SEC24B: variants seen among roughly 807,000 people sequenced by gnomAD.
The protein encoded by SEC24B is protein transport protein Sec24B.
In SEC24B, 45 loss-of-function variants were observed where a neutral mutation model predicts 142.8. That is an observed-to-expected ratio of 0.32 (90% CI 0.25 to 0.40). The LOEUF (loss-of-function observed/expected upper bound fraction) is 0.40. Among genes scored for constraint, SEC24B ranks in the 10% least tolerant of loss-of-function variants. The pLI, the probability that SEC24B is intolerant of heterozygous loss-of-function variation, is 1.00. For synonymous variants in SEC24B, 574 were observed against 568.2 expected, an observed-to-expected ratio of 1.01 and a Z score of -0.15; for missense variants, 1,409 against 1,526.8, an observed-to-expected ratio of 0.92 and a Z score of 1.29.
At chr4:109,477,789 T>C (rs1173656178) in intron 3 of SEC24B, among the ~76,000 whole-genome samples, 2 of 152,172 alleles carry the variant, frequency 1.3e-5, no homozygotes, top group Non-Finnish European at 2.9e-5. Context: ...TAAATATTTT[T>C]TTGTTAAAAG....
At chr4:109,494,980 A>T in intron 6 of SEC24B, 124 bp downstream of exon 6, 1 of 1,117,022 alleles carries the variant, frequency 9.0e-7, no homozygotes, top group Non-Finnish European at 1.3e-6. Context: ...AGCCTAGATC[A>T]AACATACATA....
intron 2 of SEC24B, among the ~76,000 whole-genome samples, chr4:109,470,693 A>T (rs1732424873): frequency 6.6e-6 from 1 of 152,190 alleles, no homozygotes; most frequent in Non-Finnish European, 1.5e-5. Context: ...AAAAATTGGA[A>T]ATAACCTAAA....
chr4:109,452,837 T>C (rs1730246385), intron 1 of SEC24B, among the ~76,000 whole-genome samples: 1 of 152,242 alleles, frequency 6.6e-6, no homozygotes, highest in African/African-American at 2.4e-5. Flanking sequence ...TGTTATTCTT[T>C]TAATTTTCCT....
At chr4:109,534,206 A>C (rs1033738162) in intron 22 of SEC24B, among the ~76,000 whole-genome samples, 1 of 152,044 alleles carries the variant, frequency 6.6e-6, no homozygotes, top group Non-Finnish European at 1.5e-5. Flanking sequence ...TTATGTCAAA[A>C]TAACTTTCAA....
At chr4:109,522,642 C>T (rs1345356867) in intron 14 of SEC24B, among the ~76,000 whole-genome samples, 1 of 152,116 alleles carries the variant, frequency 6.6e-6, no homozygotes, top group Non-Finnish European at 1.5e-5. Context: ...TAACACAGAT[C>T]ATTGTATAAC....
In SEC24B at chr4:109,494,603, T is replaced by C; in HGVS notation, c.1247-12T>C. The stretch of plus-strand genomic sequence containing the variant: ...TTTTCAGTTGTTAACACCATGTGTT[T>C]CCATTTTTTAGATATGCTTTCTTCA... On this transcript the variant is annotated splice_polypyrimidine_tract_variant and intron_variant, in intron 5 of 23. Transcript: ENST00000265175. 6.2e-7 allele frequency: 1 copy of C among 1,613,532 alleles called. No individual in the cohort carries two copies. Among genetic ancestry groups the C allele is most frequent in the Non-Finnish European group, 8.5e-7 (1 of 1,179,968 alleles).
intron 4 of SEC24B, among the ~76,000 whole-genome samples, chr4:109,487,235 A>G (rs945940690): frequency 6.6e-6 from 1 of 152,118 alleles, no homozygotes; most frequent in African/African-American, 2.4e-5. Flanking sequence ...TAGAAGAGGA[A>G]ATGATTTTCT....
chr4:109,435,073 G>A (rs1032072929), intron 1 of SEC24B, among the ~76,000 whole-genome samples: 4 of 152,198 alleles, frequency 2.6e-5, no homozygotes, highest in African/African-American at 7.2e-5. Context: ...CTCTCCAGAT[G>A]ATTGACCTGT....
At chr4:109,465,465 A>G (rs1731765744) in intron 2 of SEC24B, among the ~76,000 whole-genome samples, 1 of 152,224 alleles carries the variant, frequency 6.6e-6, no homozygotes, top group Non-Finnish European at 1.5e-5. Flanking sequence ...CATTAATGGT[A>G]GAAACAGAGC....
At chr4:109,492,152 TA>T (rs373315850) in intron 5 of SEC24B, among the ~76,000 whole-genome samples, 25,772 of 142,060 alleles carry the variant, frequency 0.18, 2,432 homozygotes, top group African/African-American at 0.26. Context: ...GTTCTATACT[TA>T]AAAAAAAAAA....
rs1051024817 is a variant in SEC24B at position 109,540,065 on chromosome 4, G to A, written c.*390G>A. ...CATTTCTGGACTTGAACTCTGGCAA[G>A]AGATGCCAAAAGGCATTGGTACCGT... On this transcript the variant is annotated 3_prime_UTR_variant, in exon 24 of 24. Transcript: ENST00000265175. The A allele has an allele frequency of 6.4e-6, 1 of 156,674 alleles. No homozygotes were observed. Among genetic ancestry groups the A allele is most frequent in the Non-Finnish European group, 1.4e-5 (1 of 71,274 alleles). The allele number at this position is 156,674 out of a possible 1,614,324, so 9.7% of individuals were successfully genotyped here. A position where few individuals can be genotyped will look rare whatever the true frequency, so the allele number is the denominator to read the frequency against.
chr4:109,512,126 G>GTTTT, intron 9 of SEC24B, 43 bp downstream of exon 9: 10 of 1,316,080 alleles, frequency 7.6e-6, no homozygotes, highest in African/African-American at 1.5e-5. Flanking sequence ...CTATTTTCAG[G>GTTTT]TTTTTTTTTT....
rs559720806 is a variant in SEC24B at position 109,522,607 on chromosome 4, C to G, written c.2508+981C>G. ...ACTATTGTAATTCAACATGCTCATA[C>G]TAATAAACTTTTTAATTATGAAGAT... On this transcript the variant is annotated intron_variant, in intron 14 of 23. Transcript: ENST00000265175. Among the ~76,000 whole-genome samples the G allele has an allele frequency of 3.9e-5, 6 of 152,244 alleles. No individual in the cohort carries two copies. The South Asian group carries it at 1.2e-3, about 32-fold the overall frequency.
intron 2 of SEC24B, among the ~76,000 whole-genome samples, chr4:109,472,719 G>A (rs1057323750): frequency 2.6e-5 from 4 of 151,960 alleles, no homozygotes; most frequent in African/African-American, 9.7e-5. Flanking sequence ...AAGGAAGATT[G>A]CGAAATATTT....
At position 109,494,796 on chromosome 4, in the gene SEC24B, A is replaced by C; in HGVS notation, c.1428A>C (p.Pro476=). The C allele has an allele frequency of 6.2e-7, 1 of 1,614,114 alleles. No homozygotes were observed. Among genetic ancestry groups the C allele is most frequent in the Non-Finnish European group, 8.5e-7 (1 of 1,180,004 alleles). ...LQPGYQNATA[P]LISGVQPSNP... is the part of the protein sequence containing the mutation. ...CTGGTTATCAGAATGCTACAGCACCACTTATTTCTGGAGTACAGCCCAGTA... is the reference window on the plus strand; with the variant it reads ...CTGGTTATCAGAATGCTACAGCACCCCTTATTTCTGGAGTACAGCCCAGTA... The change falls in exon 6 of 24, where the codon CCA becomes CCC. Residue 476 remains proline, a synonymous_variant. Coordinates refer to ENST00000265175, the MANE Select transcript of SEC24B (RefSeq NM_006323.5).
intron 3 of SEC24B, among the ~76,000 whole-genome samples, chr4:109,474,732 T>C (rs1346041312): frequency 1.3e-5 from 2 of 152,208 alleles, no homozygotes; most frequent in East Asian, 3.8e-4. Context: ...GCCCCTATCA[T>C]ATTTTCTTTT....
In SEC24B at chr4:109,530,346, C is replaced by T; in HGVS notation, c.3134C>T (p.Ala1045Val). The change falls in exon 19 of 24, where the codon GCT (alanine) becomes GTT (valine). Residue 1045 changes from alanine (A) to valine (V), a missense_variant. Ala to Val is a moderately conservative substitution (Grantham distance 64). Transcript: ENST00000265175. ...LSDARDALVNAVVDSLSAYGS... is the reference protein window; with the variant it reads ...LSDARDALVNVVVDSLSAYGS... ...GATGCAAGAGATGCCTTAGTGAATG[C>T]TGTAGTGGACTCATTGTCTGCATAT... 6.2e-7 allele frequency: 1 copy of T among 1,614,020 alleles called. No homozygotes were observed. Among genetic ancestry groups the T allele is most frequent in the Non-Finnish European group, 8.5e-7 (1 of 1,179,954 alleles).
intron 14 of SEC24B, among the ~76,000 whole-genome samples, chr4:109,523,979 T>C (rs1723944782): frequency 2.0e-5 from 3 of 152,170 alleles, no homozygotes; most frequent in African/African-American, 7.2e-5. Context: ...AGGAAGCTAA[T>C]TTTAAAATAA....
At chr4:109,479,123 C>T (rs1733467375) in intron 3 of SEC24B, among the ~76,000 whole-genome samples, 1 of 152,132 alleles carries the variant, frequency 6.6e-6, no homozygotes, top group African/African-American at 2.4e-5. Context: ...CCTGAGGGTA[C>T]TTTAATGGTT....
Sources: allele counts gnomAD v4.1 joint callset (sites outside exome capture counted in the v4.1 genomes callset), GRCh38; gene constraint gnomAD v4.1.1; transcripts MANE v1.5; gene names NCBI Gene and HGNC (gene_info 2026-07-23, HGNC 2026-07-21).